KATNIP: variants seen among roughly 807,000 people sequenced by gnomAD.
KATNIP encodes the protein katanin-interacting protein.
A neutral mutation model predicts 174.0 loss-of-function variants in KATNIP; 126 were observed. The observed-to-expected ratio is 0.72, with a 90% confidence interval of 0.63 to 0.84. The LOEUF (loss-of-function observed/expected upper bound fraction) is 0.84. Among genes scored for constraint, KATNIP ranks in the 40% least tolerant of loss-of-function variants. The pLI, the probability that KATNIP is intolerant of heterozygous loss-of-function variation, is 0.00. For missense variants in KATNIP, 1,958 were observed against 2,109.7 expected (o/e 0.93, Z 1.41); for synonymous variants, 810 against 835.7 (o/e 0.97, Z 0.53).
intron 2 of KATNIP, among the ~76,000 whole-genome samples, chr16:27,593,944 C>T (rs1334853556): frequency 3.9e-5 from 6 of 152,126 alleles, no homozygotes; most frequent in Admixed American, 1.3e-4. Flanking sequence ...AATCTCAGTG[C>T]TGTGACCTTG....
At chr16:27,638,832 T>C (rs776102581) in intron 5 of KATNIP, among the ~76,000 whole-genome samples, 8 of 114,554 alleles carry the variant, frequency 7.0e-5, no homozygotes, top group Admixed American at 1.1e-4. Context: ...GCTGTCTTGC[T>C]GGATTTTTTT....
chr16:27,588,035 G>T (rs939630729), intron 2 of KATNIP, among the ~76,000 whole-genome samples: 1 of 151,510 alleles, frequency 6.6e-6, no homozygotes, highest in Admixed American at 6.6e-5. Flanking sequence ...GGGACTATGG[G>T]CATATGCCGC....
chr16:27,750,776 G>A (rs547178592), intron 16 of KATNIP, among the ~76,000 whole-genome samples: 1 of 122,930 alleles, frequency 8.1e-6, no homozygotes. Flanking sequence ...ACAGGATCTT[G>A]CCCTGCACAG....
intron 13 of KATNIP, among the ~76,000 whole-genome samples, chr16:27,710,458 T>C (rs2079525045): frequency 6.6e-6 from 1 of 152,220 alleles, no homozygotes; most frequent in African/African-American, 2.4e-5. Context: ...CAAGAGACTG[T>C]GAGCTAAACT....
At chr16:27,701,013 G>A (rs1005388574) in intron 10 of KATNIP, among the ~76,000 whole-genome samples, 8 of 152,042 alleles carry the variant, frequency 5.3e-5, no homozygotes, top group African/African-American at 1.2e-4. Flanking sequence ...CATTTTTAGC[G>A]TCGATGACAA....
rs1273647108 is a variant in KATNIP at position 27,742,101 on chromosome 16, A to G, written c.2623+1181A>G. 2.6e-5 allele frequency among the ~76,000 whole-genome samples: 4 copies of G among 151,802 alleles called. No homozygotes were observed. The East Asian group carries it at 7.7e-4, about 29-fold the overall frequency. ...GAGAGCTTTGTGAACTTTGCAGTAGATGATTAGATGGTCTTCAAGGGCATT... is the reference window on the plus strand; with the variant it reads ...GAGAGCTTTGTGAACTTTGCAGTAGGTGATTAGATGGTCTTCAAGGGCATT... On this transcript the variant is annotated intron_variant, in intron 15 of 27. Transcript: ENST00000261588.
chr16:27,581,745 C>T (rs972901491), intron 2 of KATNIP, among the ~76,000 whole-genome samples: 3 of 152,140 alleles, frequency 2.0e-5, no homozygotes, highest in Admixed American at 6.5e-5. Context: ...ACCCCCTTCC[C>T]ACCCTTTCCC....
rs558771901 is a variant in KATNIP, at chr16:27,672,815, C to T, written c.541-4914C>T. ...AGAATGTGGGGCTGCAACATAGTGA[C>T]GGTCATGAAGAGGCCAGAGGAAGTC... On this transcript the variant is annotated intron_variant, in intron 6 of 27. Transcript: ENST00000261588. Among the ~76,000 whole-genome samples, 20 of 152,250 alleles carry T rather than the reference C, an allele frequency of 1.3e-4. No individual in the cohort carries two copies. In the South Asian group the frequency reaches 2.5e-3, roughly 19 times the overall value.
chr16:27,608,399 CTTTTT>C (rs11374534), intron 2 of KATNIP, among the ~76,000 whole-genome samples: 1 of 97,558 alleles, frequency 1.0e-5, no homozygotes, highest in Non-Finnish European at 1.9e-5. Flanking sequence ...ACTGGTGAAT[CTTTTT>C]TTTTTTTTTT....
chr16:27,693,937 T>C (rs2078829439), intron 8 of KATNIP, among the ~76,000 whole-genome samples: 1 of 152,178 alleles, frequency 6.6e-6, no homozygotes, highest in Non-Finnish European at 1.5e-5. Flanking sequence ...TTGGTAACAC[T>C]AGGAGCACAG....
chr16:27,776,858 G>T lies in KATNIP; in HGVS notation c.4450-70G>T. The T allele has an allele frequency of 8.7e-7, 1 of 1,155,226 alleles. No homozygotes were observed. The allele number at this position is 1,155,226 out of a possible 1,614,324, so 71.6% of individuals were successfully genotyped here. ...CACCGCTCACCCCAGCCCACGCCTGGCACCCCCAGCCCAGCCAAGCGCCTC... is the reference window on the plus strand; with the variant it reads ...CACCGCTCACCCCAGCCCACGCCTGTCACCCCCAGCCCAGCCAAGCGCCTC... On this transcript the variant is annotated intron_variant, in intron 24 of 27. Coordinates refer to ENST00000261588, the MANE Select transcript of KATNIP (RefSeq NM_015202.5). The surrounding 1 kb of genome is among the most constrained non-coding windows in gnomAD (Gnocchi z 4.7).
intron 2 of KATNIP, among the ~76,000 whole-genome samples, chr16:27,587,668 A>T (rs2090951052): frequency 6.6e-6 from 1 of 152,168 alleles, no homozygotes; most frequent in Non-Finnish European, 1.5e-5. Context: ...GGGCAAAATC[A>T]TCTAACACAA....
chr16:27,704,120 C>T (rs2079204748), intron 12 of KATNIP, 122 bp downstream of exon 12: 3 of 719,008 alleles, frequency 4.2e-6, no homozygotes, highest in South Asian at 3.4e-5. Flanking sequence ...TGTGTTTCCA[C>T]CGCCCCCCCC....
chr16:27,754,070 G>A, intron 17 of KATNIP, 103 bp from the exon 18 acceptor site: 6 of 905,164 alleles, frequency 6.6e-6, no homozygotes, highest in Non-Finnish European at 9.0e-6. Flanking sequence ...ACTTACCTGG[G>A]CATAGGGTGG....
intron 14 of KATNIP, 36 bp from the exon 15 acceptor site, chr16:27,740,005 T>C (rs766562810): frequency 1.3e-5 from 21 of 1,578,556 alleles, no homozygotes; most frequent in Non-Finnish European, 1.8e-5. Flanking sequence ...AGTCTGATGC[T>C]ATGCATCTTC....
intron 5 of KATNIP, among the ~76,000 whole-genome samples, chr16:27,646,136 C>T (rs1033711482): frequency 1.3e-5 from 2 of 152,198 alleles, no homozygotes; most frequent in African/African-American, 4.8e-5. Context: ...AACTTTAATC[C>T]TCTTCACACT....
chr16:27,681,775 G>A (rs1466618205), intron 8 of KATNIP, among the ~76,000 whole-genome samples: 1 of 152,350 alleles, frequency 6.6e-6, no homozygotes, highest in Non-Finnish European at 1.5e-5. Context: ...CGCTGTGCAG[G>A]AAGAGCCTAT....
At chr16:27,564,859 G>C (rs928875811) in intron 1 of KATNIP, among the ~76,000 whole-genome samples, 2 of 151,856 alleles carry the variant, frequency 1.3e-5, no homozygotes, top group Non-Finnish European at 2.9e-5. Context: ...CGTCTACTGG[G>C]TTCAAGCGAT....
At chr16:27,656,145 G>C (rs2077274790) in intron 6 of KATNIP, among the ~76,000 whole-genome samples, 1 of 152,170 alleles carries the variant, frequency 6.6e-6, no homozygotes, top group South Asian at 2.1e-4. Context: ...GTCAGTGGCA[G>C]CCAGGTGCGG....
Sources: gnomAD v4.1 joint callset for allele counts (sites outside exome capture counted in the v4.1 genomes callset) on GRCh38, gnomAD v4.1.1 for gene constraint, Gnocchi (gnomAD v3.1) non-coding constraint, MANE v1.5 for transcripts, NCBI Gene and HGNC (gene_info 2026-07-23, HGNC 2026-07-21) for gene names.